Variants in CSMD1 observed in about 807,000 individuals in gnomAD.
CSMD1 encodes the protein CUB and Sushi multiple domains 1.
In CSMD1, 213 loss-of-function variants were observed where a neutral mutation model predicts 417.5. The observed-to-expected ratio is 0.51, with a 90% CI of 0.46 to 0.57. The LOEUF (loss-of-function observed/expected upper bound fraction) is 0.57, where lower values mean the gene tolerates loss of function less well. CSMD1 is among the 20% of genes least tolerant of loss of function. The pLI is 0.00. For missense variants in CSMD1, 6,923 were observed against 4,529.7 expected, an observed-to-expected ratio of 1.53 and a Z score of -15.17; for synonymous variants, 2,862 against 1,736.8, an observed-to-expected ratio of 1.65 and a Z score of -16.11.
At chr8:4,139,849 A>G (rs1489060555) in intron 3 of CSMD1, among the ~76,000 whole-genome samples, 2 of 150,928 alleles carry the variant, frequency 1.3e-5, no homozygotes, top group African/African-American at 5.0e-5. Flanking sequence ...GAACAAAGTG[A>G]TCAGATGGAA....
chr8:4,882,702 T>C (rs1803490101), intron 1 of CSMD1, among the ~76,000 whole-genome samples: 1 of 151,970 alleles, frequency 6.6e-6, no homozygotes, highest in African/African-American at 2.4e-5. Flanking sequence ...TTATTTCCTC[T>C]GGGAACCAGA....
intron 1 of CSMD1, among the ~76,000 whole-genome samples, chr8:4,960,194 C>G (rs11136811): frequency 6.6e-6 from 1 of 152,006 alleles, no homozygotes; most frequent in Non-Finnish European, 1.5e-5. Context: ...ATCACTGTCT[C>G]AGGAAATCTT....
intron 1 of CSMD1, among the ~76,000 whole-genome samples, chr8:4,988,145 G>C (rs187690790): frequency 1.3e-5 from 2 of 152,268 alleles, no homozygotes; most frequent in Admixed American, 1.3e-4. Context: ...ACTCCTTCAT[G>C]TTTATGTTCT....
intron 12 of CSMD1, among the ~76,000 whole-genome samples, chr8:3,452,474 A>G (rs576497624): frequency 6.6e-6 from 1 of 152,274 alleles, no homozygotes; most frequent in Non-Finnish European, 1.5e-5. Flanking sequence ...AGGTTTTATT[A>G]TTTTGACATA....
chr8:4,064,022 G>T (rs933028995), intron 3 of CSMD1, among the ~76,000 whole-genome samples: 2 of 152,214 alleles, frequency 1.3e-5, no homozygotes, highest in African/African-American at 4.8e-5. Flanking sequence ...AGCCTCAGAT[G>T]CTCAACTGAC....
chr8:4,794,939 T>G (rs574556256), intron 1 of CSMD1, among the ~76,000 whole-genome samples: 1 of 150,404 alleles, frequency 6.6e-6, no homozygotes, highest in African/African-American at 2.5e-5. Flanking sequence ...GGGAAGGGAG[T>G]CCTACTATTG....
At chr8:3,885,183 C>G (rs1563177265) in intron 5 of CSMD1, among the ~76,000 whole-genome samples, 1 of 151,948 alleles carries the variant, frequency 6.6e-6, no homozygotes, top group Non-Finnish European at 1.5e-5. Context: ...TATTAAGAGA[C>G]ATTCACAGAT....
chr8:4,639,025 G>T (rs1803030425), intron 1 of CSMD1, among the ~76,000 whole-genome samples: 1 of 152,162 alleles, frequency 6.6e-6, no homozygotes, highest in South Asian at 2.1e-4. Context: ...TGGGAGATTA[G>T]TAACAGCTGC....
At chr8:4,071,920 A>G (rs181724716) in intron 3 of CSMD1, among the ~76,000 whole-genome samples, 1 of 152,178 alleles carries the variant, frequency 6.6e-6, no homozygotes, top group South Asian at 2.1e-4. Flanking sequence ...CTCAAGAGTC[A>G]AAGTCTGGGC....
At chr8:4,126,765 T>C (rs1217183478) in intron 3 of CSMD1, among the ~76,000 whole-genome samples, 1 of 152,212 alleles carries the variant, frequency 6.6e-6, no homozygotes, top group African/African-American at 2.4e-5. Context: ...TACAACTCTT[T>C]TCTCATAGAA....
intron 5 of CSMD1, among the ~76,000 whole-genome samples, chr8:3,791,303 G>A (rs907502088): frequency 1.3e-5 from 2 of 152,084 alleles, no homozygotes; most frequent in Non-Finnish European, 2.9e-5. Flanking sequence ...CATAAATTTA[G>A]GTATCTGAAT....
At chr8:4,984,448 C>T (rs1025229208) in intron 1 of CSMD1, among the ~76,000 whole-genome samples, 2 of 152,178 alleles carry the variant, frequency 1.3e-5, no homozygotes, top group Non-Finnish European at 2.9e-5. Flanking sequence ...GAAGGGTGGC[C>T]CTGAGCATCA....
intron 5 of CSMD1, among the ~76,000 whole-genome samples, chr8:3,891,330 G>C (rs577707393): frequency 1.1e-4 from 17 of 152,148 alleles, no homozygotes; most frequent in African/African-American, 3.6e-4. Context: ...GATTACAGGC[G>C]TGAGCCACCG....
chr8:3,425,234 G>T lies in CSMD1; in HGVS notation c.1562-15629C>A, dbSNP rs114480621. Among the ~76,000 whole-genome samples, 1,130 of 152,250 alleles carry T rather than the reference G, an allele frequency of 7.4e-3. 18 individuals carry two copies. The highest frequency in any genetic ancestry group is 0.026 in the African/African-American group (1,061 of 41,540). On this transcript the variant is annotated intron_variant, in intron 12 of 69. Transcript: ENST00000635120. Reference sequence around the variant, plus strand: ...CATAATACATATGGCTTGGTTTCAGGCATCCACTGGGGGACTTAGAGCTTA... The same window carrying T: ...CATAATACATATGGCTTGGTTTCAGTCATCCACTGGGGGACTTAGAGCTTA...
At chr8:3,912,694 G>A (rs1269413132) in intron 5 of CSMD1, among the ~76,000 whole-genome samples, 1 of 152,182 alleles carries the variant, frequency 6.6e-6, no homozygotes, top group South Asian at 2.1e-4. Context: ...AATACATGCA[G>A]AATACGACAA....
intron 3 of CSMD1, among the ~76,000 whole-genome samples, chr8:4,383,805 A>T (rs911248931): frequency 6.6e-6 from 1 of 152,244 alleles, no homozygotes; most frequent in Non-Finnish European, 1.5e-5. Context: ...TACATATATA[A>T]TACCAAATTA....
At chr8:3,919,117 G>C (rs565167860) in intron 5 of CSMD1, among the ~76,000 whole-genome samples, 1 of 142,564 alleles carries the variant, frequency 7.0e-6, no homozygotes, top group South Asian at 2.3e-4. Context: ...TTGCTGTGCA[G>C]AAGATTCTGT....
chr8:3,574,730 C>T (rs751374705), intron 10 of CSMD1, among the ~76,000 whole-genome samples: 1 of 152,204 alleles, frequency 6.6e-6, no homozygotes, highest in Admixed American at 6.5e-5. Context: ...TCCAGAAGCA[C>T]TAAATGGCAC....
chr8:3,137,093 T>G (rs1217892737), intron 41 of CSMD1, among the ~76,000 whole-genome samples: 3 of 152,154 alleles, frequency 2.0e-5, no homozygotes, highest in African/African-American at 7.2e-5. Context: ...CTTTATCATT[T>G]CTTTGTGGGG....
Sources: allele counts gnomAD v4.1 joint callset (sites outside exome capture counted in the v4.1 genomes callset), GRCh38; gene constraint gnomAD v4.1.1; transcripts MANE v1.5; gene names NCBI Gene and HGNC (gene_info 2026-07-23, HGNC 2026-07-21).